MBNL2: variants seen among roughly 807,000 people sequenced by gnomAD.
The protein encoded by MBNL2 is muscleblind-like protein 2.
MBNL2 carries 17 observed loss-of-function variants against 41.9 expected under a neutral mutation model. The observed-to-expected ratio is 0.41, with a 90% CI of 0.28 to 0.61. The LOEUF (loss-of-function observed/expected upper bound fraction) is 0.61. Among genes scored for constraint, MBNL2 ranks in the 20% least tolerant of loss-of-function variants. MBNL2 has a pLI of 0.35. For missense variants in MBNL2, 336 were observed against 505.6 expected, an observed-to-expected ratio of 0.66 and a Z score of 3.22; for synonymous variants, 195 against 182.9, an observed-to-expected ratio of 1.07 and a Z score of -0.53.
intron 1 of MBNL2, among the ~76,000 whole-genome samples, chr13:97,272,617 T>C (rs2051289817): frequency 1.3e-5 from 2 of 152,190 alleles, no homozygotes; most frequent in South Asian, 4.1e-4. Flanking sequence ...AGTTAATTTT[T>C]GTATAAGGTG....
chr13:97,163,755 C>CTT, the MBNL2 span, among the ~76,000 whole-genome samples: 1 of 152,106 alleles, frequency 6.6e-6, no homozygotes, highest in Non-Finnish European at 1.5e-5. Context: ...ACCCCCTATC[C>CTT]TCAGGGAAGG....
the MBNL2 span, among the ~76,000 whole-genome samples, chr13:97,155,845 C>T: frequency 1.0e-4 from 15 of 148,890 alleles, no homozygotes; most frequent in Non-Finnish European, 1.5e-4. Context: ...TGAATAATGC[C>T]GCAATAAACA....
At chr13:97,201,377 T>C in the MBNL2 span, among the ~76,000 whole-genome samples, 1 of 152,240 alleles carries the variant, frequency 6.6e-6, no homozygotes, top group Non-Finnish European at 1.5e-5. Flanking sequence ...TCTGTTCTTT[T>C]CACATATTAT....
chr13:97,345,147 G>A (rs2061735251), intron 4 of MBNL2, among the ~76,000 whole-genome samples: 1 of 152,170 alleles, frequency 6.6e-6, no homozygotes, highest in African/African-American at 2.4e-5. Flanking sequence ...CCTGGTCACT[G>A]GTCAGTGAAA....
At chr13:97,384,265 A>C (rs2065746675) in intron 8 of MBNL2, among the ~76,000 whole-genome samples, 1 of 152,212 alleles carries the variant, frequency 6.6e-6, no homozygotes, top group South Asian at 2.1e-4. Flanking sequence ...ACATTTGTTA[A>C]CATGTATAAT....
chr13:97,272,715 C>T (rs538461051), intron 1 of MBNL2, among the ~76,000 whole-genome samples: 397 of 152,274 alleles, frequency 2.6e-3, no homozygotes, highest in African/African-American at 8.7e-3. Flanking sequence ...AGTGTTCTCA[C>T]AACTAAAAAA....
At chr13:97,273,584 A>C (rs1301134307) in intron 1 of MBNL2, among the ~76,000 whole-genome samples, 1 of 152,256 alleles carries the variant, frequency 6.6e-6, no homozygotes, top group East Asian at 1.9e-4. Flanking sequence ...TTAAATGTGC[A>C]TGCAATTATA....
chr13:97,263,672 C>A (rs112543616), intron 1 of MBNL2, among the ~76,000 whole-genome samples: 1 of 152,084 alleles, frequency 6.6e-6, no homozygotes, highest in African/African-American at 2.4e-5. Context: ...GGCTGGAGTG[C>A]GGTGGTGCTA....
chr13:97,278,590 C>A (rs924760434), intron 2 of MBNL2, among the ~76,000 whole-genome samples: 2 of 152,242 alleles, frequency 1.3e-5, no homozygotes, highest in East Asian at 3.9e-4. Flanking sequence ...AGTAATCCAG[C>A]CCCCAGAATA....
intron 7 of MBNL2, 23 bp from the exon 8 acceptor site, chr13:97,365,113 C>T: frequency 6.4e-7 from 1 of 1,553,924 alleles, no homozygotes; most frequent in Non-Finnish European, 8.9e-7. Context: ...TCACTTTTTC[C>T]ACCCACCATT....
chr13:97,222,627 T>C, intron 1 of MBNL2, 96 bp downstream of exon 1: 1 of 395,184 alleles, frequency 2.5e-6, no homozygotes, highest in Non-Finnish European at 4.5e-6. Context: ...GGAAACTGGA[T>C]TCCACTAATT....
chr13:97,308,977 G>A (rs1226066952), intron 2 of MBNL2, among the ~76,000 whole-genome samples: 1 of 152,204 alleles, frequency 6.6e-6, no homozygotes, highest in African/African-American at 2.4e-5. Flanking sequence ...AAGGGCATCA[G>A]AGATGGGCCT....
the MBNL2 span, among the ~76,000 whole-genome samples, chr13:97,194,472 C>G: frequency 2.0e-5 from 3 of 152,230 alleles, no homozygotes; most frequent in African/African-American, 7.2e-5. Context: ...TTCTCATACA[C>G]AAACATCTCT....
At chr13:97,284,068 G>C (rs2053951981) in intron 2 of MBNL2, among the ~76,000 whole-genome samples, 1 of 152,194 alleles carries the variant, frequency 6.6e-6, no homozygotes, top group South Asian at 2.1e-4. Flanking sequence ...TTTAGAGTTA[G>C]ACAGGATCAT....
chr13:97,389,096 C>T (rs1025423762), intron 8 of MBNL2, among the ~76,000 whole-genome samples: 3 of 152,158 alleles, frequency 2.0e-5, no homozygotes, highest in Non-Finnish European at 4.4e-5. Flanking sequence ...CATATAATAG[C>T]TCATCGGTAG....
chr13:97,289,477 T>G (rs557588420), intron 2 of MBNL2, among the ~76,000 whole-genome samples: 51 of 152,146 alleles, frequency 3.4e-4, no homozygotes, highest in African/African-American at 1.1e-3. Flanking sequence ...AACTTTCGGT[T>G]GTTAACAGAA....
chr13:97,352,049 TA>T (rs1236844288), intron 5 of MBNL2, among the ~76,000 whole-genome samples: 163 of 150,668 alleles, frequency 1.1e-3, no homozygotes, highest in African/African-American at 3.6e-3. Context: ...AATAAATAAA[TA>T]AATAAATAAA....
the MBNL2 span, among the ~76,000 whole-genome samples, chr13:97,208,911 A>G: frequency 6.6e-6 from 1 of 152,216 alleles, no homozygotes; most frequent in African/African-American, 2.4e-5. Context: ...CTTCATGGTC[A>G]TACACAGTGG....
At chr13:97,269,414 T>C (rs954750309) in intron 1 of MBNL2, among the ~76,000 whole-genome samples, 1 of 152,192 alleles carries the variant, frequency 6.6e-6, no homozygotes, top group Non-Finnish European at 1.5e-5. Flanking sequence ...GTGGAACGTC[T>C]GGAGGTGCCC....
Sources: gnomAD v4.1 joint callset for allele counts (sites outside exome capture counted in the v4.1 genomes callset) on GRCh38, gnomAD v4.1.1 for gene constraint, MANE v1.5 for transcripts, NCBI Gene and HGNC (gene_info 2026-07-23, HGNC 2026-07-21) for gene names.